LPP: variants seen among roughly 807,000 people sequenced by gnomAD.
LPP encodes the protein LIM domain containing preferred translocation partner in lipoma, also known as lipoma-preferred partner.
LPP carries 38 observed loss-of-function variants against 60.4 expected under a neutral mutation model. That is an observed-to-expected ratio of 0.63 (90% CI 0.49 to 0.83). The LOEUF is 0.83. Among genes scored for constraint, LPP ranks in the 40% least tolerant of loss-of-function variants. The pLI, the probability that LPP is intolerant of heterozygous loss-of-function variation, is 0.00. For missense variants in LPP, 902 were observed against 783.6 expected, an observed-to-expected ratio of 1.15 and a Z score of -1.80; for synonymous variants, 328 against 290.8, an observed-to-expected ratio of 1.13 and a Z score of -1.30.
At chr3:188,657,261 T>TATATATATATATATATATATATATATATA (rs1251716839) in intron 7 of LPP, among the ~76,000 whole-genome samples, 24 of 126,336 alleles carry the variant, frequency 1.9e-4, no homozygotes, top group African/African-American at 8.3e-4. Flanking sequence ...TCAAGGTGTA[T>TATATATATATATATATATATATATATATA]ATATATATAT....
intron 9 of LPP, among the ~76,000 whole-genome samples, chr3:188,768,046 A>G (rs1734709075): frequency 6.6e-6 from 1 of 152,152 alleles, no homozygotes; most frequent in South Asian, 2.1e-4. Flanking sequence ...CTCAGCATAG[A>G]TACAGATGAC....
intron 1 of LPP, among the ~76,000 whole-genome samples, chr3:188,200,263 T>G (rs1432858279): frequency 6.7e-6 from 1 of 149,578 alleles, no homozygotes; most frequent in African/African-American, 2.5e-5. Context: ...TTTTTTTTTT[T>G]TCTGAGACGG....
chr3:188,629,939 A>G (rs987936420), intron 7 of LPP, among the ~76,000 whole-genome samples: 3 of 151,968 alleles, frequency 2.0e-5, no homozygotes, highest in Non-Finnish European at 4.4e-5. Context: ...CACACCTACA[A>G]CCATTGATAG....
At chr3:188,250,724 CTCTTTCTTTCTTTCTTTCTTTCTTTCTT>C (rs768358623) in intron 2 of LPP, among the ~76,000 whole-genome samples, 72 of 118,512 alleles carry the variant, frequency 6.1e-4, no homozygotes, top group Admixed American at 3.0e-3. Context: ...CTTTCTTTCT[CTCTTTCTTTCTTTCTTTCTTTCTTTCTT>C]TCTTTCTTTC....
intron 2 of LPP, among the ~76,000 whole-genome samples, chr3:188,318,872 C>T (rs1323914534): frequency 2.0e-5 from 3 of 149,012 alleles, no homozygotes; most frequent in South Asian, 2.1e-4. Context: ...CATTCTCCTG[C>T]CTCAGCCTCC....
At chr3:188,554,743 C>G (rs1829059366) in intron 6 of LPP, among the ~76,000 whole-genome samples, 1 of 152,114 alleles carries the variant, frequency 6.6e-6, no homozygotes, top group South Asian at 2.1e-4. Context: ...CTATTGGGTT[C>G]TTCAAGTTGA....
At chr3:188,389,286 T>C (rs1012310046) in intron 3 of LPP, among the ~76,000 whole-genome samples, 4 of 152,288 alleles carry the variant, frequency 2.6e-5, no homozygotes, top group African/African-American at 9.6e-5. Flanking sequence ...TACACCCCAG[T>C]ACAGACTAAT....
chr3:188,353,487 A>G (rs1429173553), intron 3 of LPP, among the ~76,000 whole-genome samples: 1 of 152,214 alleles, frequency 6.6e-6, no homozygotes, highest in East Asian at 1.9e-4. Context: ...TTATTTTACA[A>G]TGAAGAAAAA....
chr3:188,390,618 C>T (rs1260151109), intron 3 of LPP, among the ~76,000 whole-genome samples: 1 of 151,094 alleles, frequency 6.6e-6, no homozygotes, highest in Non-Finnish European at 1.5e-5. Flanking sequence ...CTAGATCTCT[C>T]TTGCTGTTTT....
chr3:188,598,188 C>T (rs1840356304), intron 6 of LPP, among the ~76,000 whole-genome samples: 2 of 152,014 alleles, frequency 1.3e-5, no homozygotes, highest in South Asian at 4.1e-4. Context: ...AGAGAGGAGG[C>T]TAAGAAGATA....
At chr3:188,797,918 A>G (rs1449344097) in intron 9 of LPP, among the ~76,000 whole-genome samples, 2 of 152,190 alleles carry the variant, frequency 1.3e-5, no homozygotes, top group East Asian at 1.9e-4. Context: ...ATTGAACTCT[A>G]TGATGAAACC....
At chr3:188,716,076 G>A (rs1713870945) in intron 8 of LPP, among the ~76,000 whole-genome samples, 1 of 152,180 alleles carries the variant, frequency 6.6e-6, no homozygotes, top group East Asian at 1.9e-4. Flanking sequence ...AGCAGTGCCA[G>A]GTAAATTATC....
intron 9 of LPP, among the ~76,000 whole-genome samples, chr3:188,821,170 G>A (rs977044447): frequency 6.7e-6 from 1 of 150,334 alleles, no homozygotes; most frequent in Non-Finnish European, 1.5e-5. Flanking sequence ...GTAACTTTTA[G>A]TTACAGGTTG....
At chr3:188,804,243 T>TTA (rs60989319) in intron 9 of LPP, among the ~76,000 whole-genome samples, 2,588 of 37,552 alleles carry the variant, frequency 0.069, 133 homozygotes, top group Middle Eastern at 0.091. Context: ...TAGTGCATCT[T>TTA]TATATATATA....
chr3:188,426,962 A>G (rs1789541311), intron 4 of LPP, among the ~76,000 whole-genome samples: 1 of 152,044 alleles, frequency 6.6e-6, no homozygotes, highest in South Asian at 2.1e-4. Flanking sequence ...TTGAAGGTTA[A>G]TATTGTTATG....
At chr3:188,263,059 G>A (rs1257879660) in intron 2 of LPP, among the ~76,000 whole-genome samples, 1 of 152,078 alleles carries the variant, frequency 6.6e-6, no homozygotes, top group Non-Finnish European at 1.5e-5. Context: ...GCCTCTTGGA[G>A]TGTTCCGGCT....
intron 2 of LPP, among the ~76,000 whole-genome samples, chr3:188,306,534 A>T (rs1439501127): frequency 6.6e-6 from 1 of 152,238 alleles, no homozygotes; most frequent in Non-Finnish European, 1.5e-5. Context: ...AAAGCCCTTT[A>T]TCTAGCTTAA....
intron 8 of LPP, among the ~76,000 whole-genome samples, chr3:188,757,889 G>GGTTTT (rs1553833772): frequency 3.8e-5 from 3 of 78,740 alleles, no homozygotes; most frequent in South Asian, 5.6e-4. Flanking sequence ...TGTTTTTTTG[G>GGTTTT]TTTTTTTTTT....
At chr3:188,329,563 G>A (rs1430077158) in intron 2 of LPP, among the ~76,000 whole-genome samples, 2 of 152,174 alleles carry the variant, frequency 1.3e-5, no homozygotes, top group Admixed American at 6.6e-5. Flanking sequence ...GGATTTTGGA[G>A]CATTTTGAAT....
Sources: allele counts gnomAD v4.1 joint callset (sites outside exome capture counted in the v4.1 genomes callset), GRCh38; gene constraint gnomAD v4.1.1; transcripts MANE v1.5; gene names NCBI Gene and HGNC (gene_info 2026-07-23, HGNC 2026-07-21).